PKNOX2: variants seen among roughly 807,000 people sequenced by gnomAD.
PKNOX2 encodes the protein PBX/knotted 1 homeobox 2, also known as homeobox protein PKNOX2.
Under a neutral mutation model 53.1 loss-of-function variants are expected in PKNOX2, and 14 were observed. That is an observed-to-expected ratio of 0.26 (90% confidence interval 0.17 to 0.41). The LOEUF is 0.41. Ranked by LOEUF, PKNOX2 falls within the 10% of genes least tolerant of loss-of-function variation. PKNOX2 has a pLI of 1.00. For synonymous variants in PKNOX2, 257 were observed against 242.8 expected, an observed-to-expected ratio of 1.06 and a Z score of -0.54; for missense variants, 496 against 602.8, an observed-to-expected ratio of 0.82 and a Z score of 1.85.
chr11:125,380,539 C>T (rs763242569), intron 5 of PKNOX2, among the ~76,000 whole-genome samples: 10 of 152,136 alleles, frequency 6.6e-5, no homozygotes, highest in Non-Finnish European at 1.0e-4. Context: ...TCACATCCCA[C>T]TCATCATCAT....
At chr11:125,341,541 G>A (rs998811089) in intron 3 of PKNOX2, among the ~76,000 whole-genome samples, 1 of 152,340 alleles carries the variant, frequency 6.6e-6, no homozygotes, top group East Asian at 1.9e-4. Flanking sequence ...GGGAACAGGG[G>A]CCAGTGGGCA....
intron 11 of PKNOX2, among the ~76,000 whole-genome samples, 178 bp from the exon 12 acceptor site, chr11:125,429,785 G>T (rs1370059506): frequency 6.6e-6 from 1 of 152,152 alleles, no homozygotes; most frequent in Non-Finnish European, 1.5e-5. Flanking sequence ...CAAGCCCCAG[G>T]AAATTTCATG....
intron 5 of PKNOX2, among the ~76,000 whole-genome samples, chr11:125,383,145 G>A (rs542027439): frequency 3.3e-5 from 5 of 152,290 alleles, no homozygotes; most frequent in African/African-American, 1.2e-4. Context: ...GAGTGTGGAT[G>A]GGGGTACGCA....
At chr11:125,300,751 T>C (rs1435907444) in intron 2 of PKNOX2, among the ~76,000 whole-genome samples, 1 of 152,166 alleles carries the variant, frequency 6.6e-6, no homozygotes, top group African/African-American at 2.4e-5. Context: ...CAATAAACTC[T>C]CCCCAGATCC....
At chr11:125,400,270 T>C (rs1328582539) in intron 7 of PKNOX2, among the ~76,000 whole-genome samples, 1 of 152,176 alleles carries the variant, frequency 6.6e-6, no homozygotes, top group African/African-American at 2.4e-5. Context: ...TTTCTCTGAC[T>C]GCCACCACCT....
chr11:125,370,513 T>C lies in PKNOX2; in HGVS notation c.227+2528T>C, dbSNP rs1426220977. ...GCTAACCACCCGCAACCCTTGGTGT[T>C]TGCCCAAAGTATGTCTGCAGCTGTC... On this transcript the variant is annotated intron_variant, in intron 5 of 12. Coordinates refer to ENST00000298282, the MANE Select transcript of PKNOX2 (RefSeq NM_001382323.2). The surrounding 1 kb of genome is among the most constrained non-coding windows in gnomAD (Gnocchi z 4.1). Among the ~76,000 whole-genome samples the C allele has an allele frequency of 6.6e-6, 1 of 152,352 alleles. No homozygotes were observed. The highest frequency in any genetic ancestry group is 1.9e-4 in the East Asian group (1 of 5,178).
intron 2 of PKNOX2, among the ~76,000 whole-genome samples, chr11:125,327,721 G>A (rs531793529): frequency 2.6e-5 from 4 of 152,264 alleles, no homozygotes; most frequent in African/African-American, 9.6e-5. Flanking sequence ...TGTGCTTGGT[G>A]GAATTGCTGG....
chr11:125,299,262 C>T (rs564532688), intron 2 of PKNOX2, among the ~76,000 whole-genome samples: 1 of 152,298 alleles, frequency 6.6e-6, no homozygotes, highest in South Asian at 2.1e-4. Flanking sequence ...GATCTGAACA[C>T]CTCCCGCCCA....
intron 2 of PKNOX2, among the ~76,000 whole-genome samples, chr11:125,241,532 G>C (rs1943144736): frequency 6.6e-6 from 1 of 152,192 alleles, no homozygotes; most frequent in South Asian, 2.1e-4. Context: ...AATCGTTCCT[G>C]GTCATAACAG....
chr11:125,331,431 TC>T (rs1447384492), intron 2 of PKNOX2, among the ~76,000 whole-genome samples: 3 of 151,438 alleles, frequency 2.0e-5, no homozygotes, highest in African/African-American at 4.9e-5. Context: ...TCTACCACTG[TC>T]CCCCCTTCCT....
intron 2 of PKNOX2, among the ~76,000 whole-genome samples, chr11:125,298,425 G>A (rs955479448): frequency 3.3e-5 from 5 of 152,126 alleles, no homozygotes; most frequent in Admixed American, 6.5e-5. Flanking sequence ...TGAACACCTG[G>A]GCTGGCTCAC....
intron 1 of PKNOX2, among the ~76,000 whole-genome samples, chr11:125,220,499 A>G (rs1941022946): frequency 6.6e-6 from 1 of 152,174 alleles, no homozygotes; most frequent in African/African-American, 2.4e-5. Context: ...CAGAGGCAGC[A>G]TCGGAGATGG....
chr11:125,281,282 C>T (rs1169981904), intron 2 of PKNOX2, among the ~76,000 whole-genome samples: 2 of 152,176 alleles, frequency 1.3e-5, no homozygotes, highest in African/African-American at 4.8e-5. Flanking sequence ...GCCCAGCTAA[C>T]AAAAATACTC....
chr11:125,212,840 G>A (rs577338371), intron 1 of PKNOX2, among the ~76,000 whole-genome samples: 1 of 152,022 alleles, frequency 6.6e-6, no homozygotes, highest in East Asian at 1.9e-4. Flanking sequence ...GATCCTGTAG[G>A]TAGATGGCAA....
At chr11:125,330,987 C>T (rs1950107925) in intron 2 of PKNOX2, among the ~76,000 whole-genome samples, 1 of 152,142 alleles carries the variant, frequency 6.6e-6, no homozygotes, top group African/African-American at 2.4e-5. Flanking sequence ...TCTGAAAGTG[C>T]CGCCCAGGCC....
chr11:125,279,341 T>C (rs1025231716), intron 2 of PKNOX2, among the ~76,000 whole-genome samples: 1 of 152,222 alleles, frequency 6.6e-6, no homozygotes, highest in Non-Finnish European at 1.5e-5. Flanking sequence ...TCAGCCCTGC[T>C]TCCATGAAGC....
At chr11:125,386,579 C>G (rs1184017307) in intron 6 of PKNOX2, among the ~76,000 whole-genome samples, 1 of 152,120 alleles carries the variant, frequency 6.6e-6, no homozygotes, top group African/African-American at 2.4e-5. Context: ...AATTTAGAAA[C>G]TCTGTAAAAA....
chr11:125,169,281 T>A (rs1482274903), intron 1 of PKNOX2, among the ~76,000 whole-genome samples: 1 of 152,220 alleles, frequency 6.6e-6, no homozygotes, highest in East Asian at 1.9e-4. Flanking sequence ...CCATGCTTTG[T>A]ATAAAACACT....
At chr11:125,185,926 T>G (rs1313849832) in intron 1 of PKNOX2, among the ~76,000 whole-genome samples, 1 of 152,230 alleles carries the variant, frequency 6.6e-6, no homozygotes, top group African/African-American at 2.4e-5. Context: ...GGTAATTCTA[T>G]GTTTAACTTT....
Sources: allele counts gnomAD v4.1 joint callset (sites outside exome capture counted in the v4.1 genomes callset), GRCh38; gene constraint gnomAD v4.1.1; non-coding constraint Gnocchi (gnomAD v3.1); transcripts MANE v1.5; gene names NCBI Gene and HGNC (gene_info 2026-07-23, HGNC 2026-07-21).